Variants in CMTM4 observed in about 807,000 individuals in gnomAD.
CMTM4 encodes CKLF-like MARVEL transmembrane domain-containing protein 4.
In CMTM4, 8 loss-of-function variants were observed where a neutral mutation model predicts 19.0. The observed-to-expected ratio is 0.42, with a 90% confidence interval of 0.25 to 0.76. CMTM4 has a LOEUF of 0.76. Among genes scored for constraint, CMTM4 ranks in the 30% least tolerant of loss-of-function variants. The probability of loss-of-function intolerance (pLI) is 0.27; values close to 1 mark genes in which losing one functional copy is unlikely to be tolerated. For missense variants in CMTM4, 228 were observed against 290.2 expected, an observed-to-expected ratio of 0.79 and a Z score of 1.56; for synonymous variants, 106 against 121.1, an observed-to-expected ratio of 0.88 and a Z score of 0.82.
At chr16:66,635,875 C>A (rs1378680677) in intron 2 of CMTM4, among the ~76,000 whole-genome samples, 2 of 152,172 alleles carry the variant, frequency 1.3e-5, no homozygotes, top group Non-Finnish European at 2.9e-5. Context: ...CCAAACAGAG[C>A]TAAGAACCCA....
chr16:66,658,797 A>T (rs2016449240), intron 1 of CMTM4, among the ~76,000 whole-genome samples: 1 of 151,908 alleles, frequency 6.6e-6, no homozygotes, highest in Non-Finnish European at 1.5e-5. Context: ...TGGGGGGCAA[A>T]ATCTCCTCCC....
intron 1 of CMTM4, among the ~76,000 whole-genome samples, chr16:66,644,084 G>A (rs1201867684): frequency 1.3e-5 from 2 of 152,144 alleles, no homozygotes; most frequent in African/African-American, 4.8e-5. Context: ...CAGGAGTTTG[G>A]AGTTTTATGT....
At chr16:66,654,038 G>A (rs143527787) in intron 1 of CMTM4, among the ~76,000 whole-genome samples, 179 of 152,210 alleles carry the variant, frequency 1.2e-3, no homozygotes, top group African/African-American at 4.1e-3. Context: ...ACTGCACCCA[G>A]CCAGTTTTTA....
the CMTM4 span, chr16:66,609,639 A>C: frequency 2.0e-6 from 3 of 1,516,480 alleles, no homozygotes; most frequent in African/African-American, 2.8e-5. This position sits in a 1 kb window ranked among gnomAD's most constrained non-coding sequence, Gnocchi z 4.4. Flanking sequence ...CTGGGGTCTC[A>C]TGTGGGTCCC....
At chr16:66,678,579 C>G (rs1280470744) in intron 1 of CMTM4, among the ~76,000 whole-genome samples, 1 of 152,152 alleles carries the variant, frequency 6.6e-6, no homozygotes, top group Non-Finnish European at 1.5e-5. Flanking sequence ...ACATAACTGA[C>G]AGCAATGCAA....
At chr16:66,645,503 G>A (rs917172687) in intron 1 of CMTM4, among the ~76,000 whole-genome samples, 1 of 151,640 alleles carries the variant, frequency 6.6e-6, no homozygotes, top group Non-Finnish European at 1.5e-5. Flanking sequence ...CTTGAACCCG[G>A]GAGGCAGAGG....
Position 66,696,318 on chromosome 16 carries a change from T to C in CMTM4, c.186+22A>G. 1.5e-6 allele frequency: 2 copies of C among 1,318,912 alleles called. No homozygotes were observed. Among genetic ancestry groups the C allele is most frequent in the South Asian group, 1.9e-5 (1 of 52,102 alleles). The allele number at this position is 1,318,912 out of a possible 1,614,324, so 81.7% of individuals were successfully genotyped here. A position where few individuals can be genotyped will look rare whatever the true frequency, so the allele number is the denominator to read the frequency against. On this transcript the variant is annotated intron_variant, in intron 1 of 3. Transcript: ENST00000394106. The surrounding 1 kb of genome is among the most constrained non-coding windows in gnomAD (Gnocchi z 4.3). ...TGCGGCTAGGCCGCCCTCGGGCACC[T>C]GGGGCCCCGCCCGGCACCTACCACT...
Position 66,617,181 on chromosome 16 carries a change from C to T in CMTM4, c.*4877G>A. 1 of 1,253,720 alleles carries T rather than the reference C, an allele frequency of 8.0e-7. No individual in the cohort carries two copies. The highest frequency in any genetic ancestry group is 1.1e-6 in the Non-Finnish European group (1 of 886,588). The allele number at this position is 1,253,720 out of a possible 1,614,324, so 77.7% of individuals were successfully genotyped here. Reference sequence around the variant, plus strand: ...CCCCAGGTGTCTAGATAGCAAGTCACCTGAATTAAAGCCTCAGCATAAAAA... The same window carrying T: ...CCCCAGGTGTCTAGATAGCAAGTCATCTGAATTAAAGCCTCAGCATAAAAA... On this transcript the variant is annotated 3_prime_UTR_variant, in exon 4 of 4. Transcript: ENST00000394106.
the CMTM4 span, among the ~76,000 whole-genome samples, chr16:66,602,580 G>C: frequency 6.6e-6 from 1 of 151,820 alleles, no homozygotes; most frequent in Non-Finnish European, 1.5e-5. Flanking sequence ...CTGCCGCCCA[G>C]GCTGGAGTGC....
chr16:66,617,588 AAAT>A lies in CMTM4; in HGVS notation c.*4467_*4469del. On this transcript the variant is annotated 3_prime_UTR_variant, in exon 4 of 4. Coordinates refer to ENST00000394106, the MANE Select transcript of CMTM4 (RefSeq NM_181521.3). ...GACGGTATTTTCTCTCACAGTTTCT[AAAT>A]AAAAGAAACATAAAAGGTCAAATAT... 1 of 1,265,624 alleles carries A rather than the reference AAAT, an allele frequency of 7.9e-7. No individual in the cohort carries two copies. 78.4% of individuals were successfully genotyped at this position (1,265,624 alleles called of 1,614,324 possible). A position where few individuals can be genotyped will look rare whatever the true frequency, so the allele number is the denominator to read the frequency against.
In CMTM4 at chr16:66,617,201, TA is replaced by T. The variant is rs971332773; in HGVS notation, c.*4856del. ...AGTCACCTGAATTAAAGCCTCAGCA[TA>T]AAAAAACAAACATAGACAACAAACT... On this transcript the variant is annotated 3_prime_UTR_variant, in exon 4 of 4. Transcript: ENST00000394106. 4 of 1,455,690 alleles carry T rather than the reference TA, an allele frequency of 2.7e-6. No individual in the cohort carries two copies. The highest frequency in any genetic ancestry group is 2.8e-6 in the Non-Finnish European group (3 of 1,055,540). 90.2% of individuals were successfully genotyped at this position (1,455,690 alleles called of 1,614,324 possible).
At chr16:66,608,555 C>A in the CMTM4 span, 1 of 1,322,930 alleles carries the variant, frequency 7.6e-7, no homozygotes, top group Non-Finnish European at 1.0e-6. This position sits in a 1 kb window ranked among gnomAD's most constrained non-coding sequence, Gnocchi z 5.1. Flanking sequence ...CTTATCCTTT[C>A]TCTAGTGTGC....
chr16:66,630,037 G>C (rs1045364694), intron 2 of CMTM4, among the ~76,000 whole-genome samples: 1 of 152,096 alleles, frequency 6.6e-6, no homozygotes, highest in African/African-American at 2.4e-5. Flanking sequence ...TGAACCTGAG[G>C]GGTGGTGGAA....
At chr16:66,683,127 GTGTA>G (rs1335560641) in intron 1 of CMTM4, among the ~76,000 whole-genome samples, 17 of 128,254 alleles carry the variant, frequency 1.3e-4, no homozygotes, top group African/African-American at 3.7e-4. Flanking sequence ...GTGTGTGTGT[GTGTA>G]TATATATATA....
intron 1 of CMTM4, among the ~76,000 whole-genome samples, chr16:66,647,995 C>A (rs983439109): frequency 1.3e-5 from 2 of 152,228 alleles, no homozygotes; most frequent in Non-Finnish European, 2.9e-5. Context: ...CTATAAAAGA[C>A]AGCTGTCATT....
At chr16:66,644,044 G>T (rs573209730) in intron 1 of CMTM4, among the ~76,000 whole-genome samples, 1 of 152,254 alleles carries the variant, frequency 6.6e-6, no homozygotes, top group Admixed American at 6.5e-5. Flanking sequence ...GTGAGCCACC[G>T]CCCCCGGCCA....
intron 1 of CMTM4, among the ~76,000 whole-genome samples, chr16:66,689,449 T>C (rs1280862607): frequency 6.6e-6 from 1 of 152,118 alleles, no homozygotes; most frequent in Admixed American, 6.5e-5. Context: ...TCTCACTCTG[T>C]TGCCCAGGCT....
chr16:66,650,835 C>T (rs1305468362), intron 1 of CMTM4, among the ~76,000 whole-genome samples: 1 of 152,176 alleles, frequency 6.6e-6, no homozygotes. Flanking sequence ...CATGGAAGCT[C>T]ATTTACCCAG....
In CMTM4 at chr16:66,632,657, G is replaced by C. The variant is rs1158064176; in HGVS notation, c.363+3748C>G. Among the ~76,000 whole-genome samples the C allele has an allele frequency of 2.6e-5, 4 of 152,104 alleles. No homozygotes were observed. The East Asian group carries it at 7.7e-4, about 29-fold the overall frequency. ...AGCCACTGGCAGGCTTTTGGGATGG[G>C]GGAGGATCAGACACGCCTTTTAGAT... On this transcript the variant is annotated intron_variant, in intron 2 of 3. Coordinates refer to ENST00000394106, the MANE Select transcript of CMTM4 (RefSeq NM_181521.3).
Sources: gnomAD v4.1 joint callset for allele counts (sites outside exome capture counted in the v4.1 genomes callset) on GRCh38, gnomAD v4.1.1 for gene constraint, Gnocchi (gnomAD v3.1) non-coding constraint, MANE v1.5 for transcripts, NCBI Gene and HGNC (gene_info 2026-07-23, HGNC 2026-07-21) for gene names.